GRK5: variants seen among roughly 807,000 people sequenced by gnomAD.
The protein encoded by GRK5 is g protein-coupled receptor kinase GRK5.
GRK5 carries 40 observed loss-of-function variants against 78.4 expected under a neutral mutation model. The observed-to-expected ratio is 0.51, with a 90% CI of 0.40 to 0.66. The LOEUF (loss-of-function observed/expected upper bound fraction) is 0.66. Among genes scored for constraint, GRK5 ranks in the 30% least tolerant of loss-of-function variants. The probability of loss-of-function intolerance (pLI) is 0.00; values close to 1 mark genes in which losing one functional copy is unlikely to be tolerated. For missense variants in GRK5, 598 were observed against 759.9 expected (o/e 0.79, Z 2.50); for synonymous variants, 289 against 296.8 (o/e 0.97, Z 0.27).
intron 4 of GRK5, among the ~76,000 whole-genome samples, chr10:119,410,216 G>A (rs990706264): frequency 1.3e-5 from 2 of 152,176 alleles, no homozygotes; most frequent in Non-Finnish European, 1.5e-5. Flanking sequence ...GTAAAGGGTC[G>A]GGGTCTGGGT....
Position 119,443,699 on chromosome 10 carries a change from G to C in GRK5, c.1213G>C (p.Glu405Gln). The change falls in exon 12 of 16, where the codon GAG becomes CAG. Residue 405 changes from glutamate to glutamine, a missense_variant. Transcript: ENST00000392870. ...GGTGGACCGCCGGGTCCTGGAGACGGAGGAGGTGTACTCCCACAAGTTCTC... is the reference window on the plus strand; with the variant it reads ...GGTGGACCGCCGGGTCCTGGAGACGCAGGAGGTGTACTCCCACAAGTTCTC... ...EEVDRRVLET[E>Q]EVYSHKFSEE... 7.4e-6 allele frequency: 12 copies of C among 1,613,106 alleles called. No individual in the cohort carries two copies. Among genetic ancestry groups the C allele is most frequent in the Non-Finnish European group, 1.0e-5 (12 of 1,179,516 alleles).
Position 119,455,158 on chromosome 10 carries a change from TG to T in GRK5, c.*92del. On this transcript the variant is annotated 3_prime_UTR_variant, in exon 16 of 16. Coordinates refer to ENST00000392870, the MANE Select transcript of GRK5 (RefSeq NM_005308.3). ...AGTGGAGCCCCTGCTCTGGTGGGGCTGCCAGGGGAGACCCCGGGAGCCGGGG... is the reference window on the plus strand; with the variant it reads ...AGTGGAGCCCCTGCTCTGGTGGGGCTCCAGGGGAGACCCCGGGAGCCGGGG... 2 of 1,058,910 alleles carry T rather than the reference TG, an allele frequency of 1.9e-6. No homozygotes were observed. Among genetic ancestry groups the T allele is most frequent in the Non-Finnish European group, 2.9e-6 (2 of 682,754 alleles). The allele number at this position is 1,058,910 out of a possible 1,614,324, so 65.6% of individuals were successfully genotyped here.
At chr10:119,424,644 C>A (rs563690055) in intron 5 of GRK5, among the ~76,000 whole-genome samples, 28 of 151,986 alleles carry the variant, frequency 1.8e-4, no homozygotes, top group Non-Finnish European at 3.7e-4. Flanking sequence ...ACCCCTCTAC[C>A]CTTCCAGTCC....
At position 119,406,719 on chromosome 10, in the gene GRK5, A is replaced by G. The variant is rs566069236; in HGVS notation, c.339+9947A>G. Reference sequence around the variant, plus strand: ...AGCTTCCTGTCACAGCCTTGCGTACAGGCTGGAGGGCGGAAGAGGATTGAA... The same window carrying G: ...AGCTTCCTGTCACAGCCTTGCGTACGGGCTGGAGGGCGGAAGAGGATTGAA... On this transcript the variant is annotated intron_variant, in intron 4 of 15. Transcript: ENST00000392870. 1.7e-4 allele frequency among the ~76,000 whole-genome samples: 26 copies of G among 152,340 alleles called. 1 individual carries two copies. Among genetic ancestry groups the G allele is most frequent in the South Asian group, 1.0e-3 (5 of 4,826 alleles).
intron 3 of GRK5, among the ~76,000 whole-genome samples, chr10:119,381,504 A>G (rs1401655744): frequency 6.6e-6 from 1 of 152,224 alleles, no homozygotes; most frequent in African/African-American, 2.4e-5. Flanking sequence ...GGCATGGATG[A>G]CATGCCTGAC....
At chr10:119,447,612 G>A (rs888413549) in intron 12 of GRK5, among the ~76,000 whole-genome samples, 1 of 152,082 alleles carries the variant, frequency 6.6e-6, no homozygotes, top group Non-Finnish European at 1.5e-5. Context: ...CCCTGCCCCC[G>A]GGGTGCCCGA....
intron 2 of GRK5, among the ~76,000 whole-genome samples, chr10:119,346,382 C>T (rs912617046): frequency 2.6e-5 from 4 of 152,214 alleles, no homozygotes; most frequent in Non-Finnish European, 2.9e-5. Context: ...TACAGGGTTT[C>T]GGCATTTGCT....
At chr10:119,410,190 G>A (rs75619481) in intron 4 of GRK5, among the ~76,000 whole-genome samples, 3,924 of 152,324 alleles carry the variant, frequency 0.026, 61 homozygotes, top group Non-Finnish European at 0.041. Context: ...GTTAATTATC[G>A]TCTTTTGCTT....
At chr10:119,302,546 T>C (rs74767387) in intron 1 of GRK5, among the ~76,000 whole-genome samples, 2,175 of 152,304 alleles carry the variant, frequency 0.014, 52 homozygotes, top group African/African-American at 0.05. Context: ...CTGGGGCCTC[T>C]GGAGAGTGGC....
chr10:119,391,291 T>C (rs1851884282), intron 3 of GRK5, among the ~76,000 whole-genome samples: 1 of 151,660 alleles, frequency 6.6e-6, no homozygotes, highest in African/African-American at 2.4e-5. Flanking sequence ...CAGGTACGTC[T>C]GACCCTGGGG....
At chr10:119,249,070 A>G (rs1849156732) in intron 1 of GRK5, among the ~76,000 whole-genome samples, 1 of 152,188 alleles carries the variant, frequency 6.6e-6, no homozygotes, top group African/African-American at 2.4e-5. Flanking sequence ...GAAGTTCAAG[A>G]CCAGCCTGGT....
intron 1 of GRK5, among the ~76,000 whole-genome samples, chr10:119,325,200 A>G (rs564889883): frequency 1.3e-5 from 2 of 152,228 alleles, no homozygotes; most frequent in Non-Finnish European, 2.9e-5. Context: ...ACTTTTAAAC[A>G]CATGCTACCT....
chr10:119,394,377 G>GTGTTT (rs1851978034), intron 3 of GRK5, among the ~76,000 whole-genome samples: 1 of 8,326 alleles, frequency 1.2e-4, no homozygotes, highest in Non-Finnish European at 2.5e-4. Context: ...TGTGGGTGTC[G>GTGTTT]GTGTGTGTAT....
chr10:119,384,681 A>G (rs924640076), intron 3 of GRK5, among the ~76,000 whole-genome samples: 4 of 149,056 alleles, frequency 2.7e-5, no homozygotes, highest in Non-Finnish European at 4.5e-5. Flanking sequence ...ACAGTGCCAC[A>G]CGTAACAGTT....
chr10:119,435,569 G>A (rs946299461), intron 8 of GRK5, among the ~76,000 whole-genome samples: 5 of 152,118 alleles, frequency 3.3e-5, no homozygotes, highest in Non-Finnish European at 5.9e-5. Context: ...CAAGTTCCTC[G>A]TTTCCATCTG....
intron 1 of GRK5, among the ~76,000 whole-genome samples, chr10:119,277,934 T>C (rs555463880): frequency 6.6e-6 from 1 of 152,250 alleles, no homozygotes; most frequent in Non-Finnish European, 1.5e-5. Context: ...TCATTCCTTT[T>C]TCTTATTGAG....
chr10:119,407,353 C>G (rs4751716), intron 4 of GRK5, among the ~76,000 whole-genome samples: 91,172 of 152,008 alleles, frequency 0.6, 27,872 homozygotes, highest in Middle Eastern at 0.8. Flanking sequence ...GGAGAGGAGG[C>G]CTCAAAAGGG....
In GRK5 at chr10:119,253,592, G is replaced by A. The variant is rs1243670485; in HGVS notation, c.52+45623G>A. Among the ~76,000 whole-genome samples the A allele has an allele frequency of 2.6e-5, 4 of 152,222 alleles. No individual in the cohort carries two copies. The highest frequency in any genetic ancestry group is 7.2e-5 in the African/African-American group (3 of 41,468). On this transcript the variant is annotated intron_variant, in intron 1 of 15. Coordinates refer to ENST00000392870, the MANE Select transcript of GRK5 (RefSeq NM_005308.3). The surrounding 1 kb of genome is among the most constrained non-coding windows in gnomAD (Gnocchi z 5.7). ...GCTGGAACCAGGGCTTCAGCCCGGC[G>A]CACACCCAGCTCGTTTGGAGGTCAC... is the stretch of plus-strand genomic sequence containing the variant.
chr10:119,228,384 C>A (rs140981097), intron 1 of GRK5, among the ~76,000 whole-genome samples: 1 of 149,840 alleles, frequency 6.7e-6, no homozygotes, highest in African/African-American at 2.5e-5. Context: ...CCCGCCCCCC[C>A]GCAAAAACGT....
Sources: allele counts gnomAD v4.1 joint callset (sites outside exome capture counted in the v4.1 genomes callset), GRCh38; gene constraint gnomAD v4.1.1; non-coding constraint Gnocchi (gnomAD v3.1); transcripts MANE v1.5; gene names NCBI Gene and HGNC (gene_info 2026-07-23, HGNC 2026-07-21).